The following DAB1 variants were observed in gnomAD, a reference collection of about 807,000 sequenced individuals.
The protein encoded by DAB1 is disabled homolog 1.
In DAB1, 15 loss-of-function variants were observed where a neutral mutation model predicts 64.6. The ratio of observed to expected loss-of-function variants is 0.23; its 90% CI spans 0.16 to 0.36. The LOEUF is 0.36. Ranked by LOEUF, DAB1 falls within the 10% of genes least tolerant of loss-of-function variation. DAB1 has a pLI of 1.00. For missense variants in DAB1, 596 were observed against 706.7 expected (o/e 0.84, Z 1.78); for synonymous variants, 235 against 251.9 (o/e 0.93, Z 0.64).
chr1:57,496,569 T>C (rs1314619418), intron 7 of DAB1, among the ~76,000 whole-genome samples: 1 of 152,146 alleles, frequency 6.6e-6, no homozygotes, highest in Non-Finnish European at 1.5e-5. Flanking sequence ...GGCTCTCCTA[T>C]TGCTGTTTTT....
intron 5 of DAB1, among the ~76,000 whole-genome samples, chr1:57,946,381 T>C (rs756772825): frequency 1.3e-5 from 2 of 152,242 alleles, no homozygotes; most frequent in Non-Finnish European, 2.9e-5. Flanking sequence ...CCCTGACTGC[T>C]TGTTATTCCA....
intron 5 of DAB1, 26 bp from the exon 6 acceptor site, chr1:57,071,667 T>C (rs982060672): frequency 6.2e-7 from 1 of 1,609,478 alleles, no homozygotes; most frequent in African/African-American, 1.3e-5. Flanking sequence ...GTAAGGCACA[T>C]CATAAGGGAA....
chr1:58,360,859 T>C, intron 3 of DAB1, among the ~76,000 whole-genome samples: 1 of 152,244 alleles, frequency 6.6e-6, no homozygotes, highest in East Asian at 1.9e-4. Context: ...TCTCATCACT[T>C]AAATAACTTT....
Position 58,119,820 on chromosome 1 carries a change from C to A in DAB1, n.387+30691G>T, listed in dbSNP as rs540968992. Reference sequence around the variant, plus strand: ...TATTCAATAAGTTTATTTAATAGTCCTGCAGAGAAAGGGACATGATGCTCC... The same window carrying A: ...TATTCAATAAGTTTATTTAATAGTCATGCAGAGAAAGGGACATGATGCTCC... On this transcript the variant is annotated intron_variant and non_coding_transcript_variant, in intron 5 of 20. Transcript: ENST00000485760. 2.0e-5 allele frequency among the ~76,000 whole-genome samples: 3 copies of A among 152,258 alleles called. No homozygotes were observed. In the South Asian group the frequency reaches 6.2e-4, roughly 32 times the overall value.
chr1:57,946,688 T>C (rs1326537220), intron 5 of DAB1, among the ~76,000 whole-genome samples: 1 of 152,220 alleles, frequency 6.6e-6, no homozygotes, highest in African/African-American at 2.4e-5. Context: ...CAAAGCCACC[T>C]GTCTCAGGAT....
intron 14 of DAB1, among the ~76,000 whole-genome samples, chr1:57,002,685 C>T (rs1645913443): frequency 6.6e-6 from 1 of 152,164 alleles, no homozygotes; most frequent in Non-Finnish European, 1.5e-5. Flanking sequence ...GTGGCCTTGC[C>T]TTATGCTGAT....
intron 14 of DAB1, among the ~76,000 whole-genome samples, chr1:57,009,484 C>T (rs1646198345): frequency 6.6e-6 from 1 of 152,146 alleles, no homozygotes; most frequent in Non-Finnish European, 1.5e-5. Flanking sequence ...TTTCAAAATA[C>T]CATATTAGCT....
intron 7 of DAB1, among the ~76,000 whole-genome samples, chr1:57,435,916 CTTTTT>C (rs1183686656): frequency 7.9e-6 from 1 of 127,190 alleles, no homozygotes; most frequent in Non-Finnish European, 1.7e-5. Context: ...TTTTTTCTTT[CTTTTT>C]TTTTTTTTTT....
chr1:57,053,660 C>A (rs139382631), intron 9 of DAB1, among the ~76,000 whole-genome samples: 1,797 of 116,650 alleles, frequency 0.015, 30 homozygotes, highest in East Asian at 0.055. Context: ...CTCTCTCTCT[C>A]TATATGTATA....
rs1346636307 is a variant in DAB1, at chr1:58,466,448, C to T, written n.257+39612G>A. Among the ~76,000 whole-genome samples, 3 of 152,038 alleles carry T rather than the reference C, an allele frequency of 2.0e-5. No individual in the cohort carries two copies. The East Asian group carries it at 5.8e-4, about 29-fold the overall frequency. ...TGCTTTCTCGGAGGGCCTGAACTAACACAGATGGGGTGGGTAGGTCTGTGT... is the reference window on the plus strand; with the variant it reads ...TGCTTTCTCGGAGGGCCTGAACTAATACAGATGGGGTGGGTAGGTCTGTGT... On this transcript the variant is annotated intron_variant and non_coding_transcript_variant, in intron 3 of 20. Transcript: ENST00000485760.
At chr1:57,778,256 C>T (rs1557475310) in intron 6 of DAB1, among the ~76,000 whole-genome samples, 1 of 151,812 alleles carries the variant, frequency 6.6e-6, no homozygotes, top group Non-Finnish European at 1.5e-5. Context: ...ATTTCTGGAG[C>T]TTATTGTCTG....
intron 4 of DAB1, among the ~76,000 whole-genome samples, chr1:58,337,073 G>A (rs574483161): frequency 6.6e-6 from 1 of 152,246 alleles, no homozygotes; most frequent in African/African-American, 2.4e-5. Context: ...CCTGAGGTCA[G>A]GAGTTTGAGA....
At chr1:58,231,643 T>C (rs927775562) in intron 4 of DAB1, among the ~76,000 whole-genome samples, 1 of 152,188 alleles carries the variant, frequency 6.6e-6, no homozygotes, top group Non-Finnish European at 1.5e-5. Flanking sequence ...CATTCTACAC[T>C]GTATAGTAAT....
chr1:57,740,451 G>A (rs952540684), intron 6 of DAB1, among the ~76,000 whole-genome samples: 10 of 152,232 alleles, frequency 6.6e-5, no homozygotes, highest in Admixed American at 5.9e-4. Context: ...TCCGAGTATT[G>A]TACTGAAAAT....
chr1:57,014,796 G>T, intron 12 of DAB1, 87 bp downstream of exon 12: 1 of 1,090,854 alleles, frequency 9.2e-7, no homozygotes, highest in Non-Finnish European at 1.3e-6. Flanking sequence ...ATGCAAGTGA[G>T]ATGAGTTATT....
intron 9 of DAB1, among the ~76,000 whole-genome samples, chr1:57,052,176 T>A (rs1649257914): frequency 6.6e-6 from 1 of 152,024 alleles, no homozygotes; most frequent in Admixed American, 6.6e-5. Context: ...GAGCCGAGGC[T>A]GTCCACAGCA....
intron 7 of DAB1, among the ~76,000 whole-genome samples, chr1:57,601,399 C>A (rs1645574605): frequency 6.6e-6 from 1 of 152,106 alleles, no homozygotes; most frequent in South Asian, 2.1e-4. Flanking sequence ...CATGTCGAAA[C>A]CCCTTTCTAC....
Position 57,757,220 on chromosome 1 carries a change from T to TTTTTTG in DAB1, n.552-107556_552-107555insCAAAAA, listed in dbSNP as rs200688727. Among the ~76,000 whole-genome samples the TTTTTTG allele has an allele frequency of 1.0e-3, 121 of 120,162 alleles. 7 individuals are homozygous for TTTTTTG. Among genetic ancestry groups the TTTTTTG allele is most frequent in the African/African-American group, 2.1e-3 (77 of 36,294 alleles). The allele number at this position is 120,162 out of a possible 152,430, so 78.8% of individuals were successfully genotyped here. On this transcript the variant is annotated intron_variant and non_coding_transcript_variant, in intron 6 of 20. Transcript: ENST00000485760. ...AGAATTTTTTTTTTTTTTTTTTTTT[T>TTTTTTG]AGCAGCAATGATGGAGGCTAACAGC... is the stretch of plus-strand genomic sequence containing the variant.
At chr1:58,010,983 G>A (rs1468744423) in intron 5 of DAB1, among the ~76,000 whole-genome samples, 2 of 152,220 alleles carry the variant, frequency 1.3e-5, no homozygotes, top group South Asian at 4.1e-4. Flanking sequence ...TCATGAGGCA[G>A]TGGTAACTAC....
Sources: gnomAD v4.1 joint callset for allele counts (sites outside exome capture counted in the v4.1 genomes callset) on GRCh38, gnomAD v4.1.1 for gene constraint, MANE v1.5 for transcripts, NCBI Gene and HGNC (gene_info 2026-07-23, HGNC 2026-07-21) for gene names.